Variants in RBBP8NL observed in about 807,000 individuals in gnomAD.
RBBP8NL encodes the protein RBBP8 N-terminal like.
A neutral mutation model predicts 62.2 loss-of-function variants in RBBP8NL; 59 were observed. That is an observed-to-expected ratio of 0.95 (90% CI 0.77 to 1.18). The LOEUF (loss-of-function observed/expected upper bound fraction) is 1.18, where lower values mean the gene tolerates loss of function less well. Among genes scored for constraint, RBBP8NL ranks in the 50% most tolerant of loss-of-function variants. RBBP8NL has a pLI of 0.00. For synonymous variants in RBBP8NL, 412 were observed against 394.1 expected (o/e 1.05, Z -0.54); for missense variants, 896 against 899.5 (o/e 1.00, Z 0.05).
Position 62,416,031 on chromosome 20 carries a change from C to T in RBBP8NL, c.387-86G>A, listed in dbSNP as rs559398116. Reference sequence around the variant, plus strand: ...AAAGCCGGGCCCACTCCTGGGTGACCCCAGGTGACGCAGCTGTCCCGACAC... The same window carrying T: ...AAAGCCGGGCCCACTCCTGGGTGACTCCAGGTGACGCAGCTGTCCCGACAC... On this transcript the variant is annotated intron_variant, in intron 6 of 13. Transcript: ENST00000252998. 3.0e-3 allele frequency: 4,408 copies of T among 1,471,380 alleles called. 11 individuals carry two copies. The highest frequency in any genetic ancestry group is 0.016 in the Middle Eastern group (72 of 4,512). The allele number at this position is 1,471,380 out of a possible 1,614,324, so 91.1% of individuals were successfully genotyped here.
chr20:62,415,085 G>T, intron 9 of RBBP8NL, 36 bp downstream of exon 9: 1 of 1,442,464 alleles, frequency 6.9e-7, no homozygotes. Context: ...GAGCTCATCT[G>T]AGGCTACTCT....
chr20:62,421,402 CGT>C (rs1988695908), intron 1 of RBBP8NL, among the ~76,000 whole-genome samples: 2 of 114,684 alleles, frequency 1.7e-5, no homozygotes, highest in Non-Finnish European at 3.5e-5. Flanking sequence ...AGTCAGTGTG[CGT>C]GAGTGTGCGT....
chr20:62,413,397 G>A lies in RBBP8NL; in HGVS notation c.1675+4C>T. 5.6e-6 allele frequency: 8 copies of A among 1,435,852 alleles called. No homozygotes were observed. Among genetic ancestry groups the A allele is most frequent in the Non-Finnish European group, 7.3e-6 (8 of 1,096,300 alleles). 88.9% of individuals were successfully genotyped at this position (1,435,852 alleles called of 1,614,324 possible). On this transcript the variant is annotated splice_donor_region_variant and intron_variant, in intron 11 of 13. Coordinates refer to ENST00000252998, the MANE Select transcript of RBBP8NL (RefSeq NM_080833.3). The stretch of plus-strand genomic sequence containing the variant: ...TGGACTCTGACCCCAGGTGCTGACT[G>A]TACCTGGGTGGCCGTCCAGGTCAGG...
At chr20:62,422,530 G>A (rs890005598) in intron 1 of RBBP8NL, among the ~76,000 whole-genome samples, 9 of 41,878 alleles carry the variant, frequency 2.1e-4, no homozygotes, top group Non-Finnish European at 2.6e-4. Flanking sequence ...TTGGGACCCC[G>A]AGAGAGGCCA....
At position 62,410,512 on chromosome 20, in the gene RBBP8NL, A is replaced by G. The variant is rs1325574160; in HGVS notation, c.*366T>C. ...GAGTGATCCCGCCTCCAGTCCCCACACCCCTCAGGGAGCAGGTGCTGGGCT... is the reference window on the plus strand; with the variant it reads ...GAGTGATCCCGCCTCCAGTCCCCACGCCCCTCAGGGAGCAGGTGCTGGGCT... On this transcript the variant is annotated 3_prime_UTR_variant, in exon 14 of 14. Transcript: ENST00000252998. The G allele has an allele frequency of 2.4e-5, 6 of 248,488 alleles. No individual in the cohort carries two copies. The Admixed American group carries it at 3.1e-4, about 13-fold the overall frequency. 15.4% of individuals were successfully genotyped at this position (248,488 alleles called of 1,614,324 possible).
At chr20:62,418,748 C>G (rs538376816) in intron 2 of RBBP8NL, among the ~76,000 whole-genome samples, 6 of 149,882 alleles carry the variant, frequency 4.0e-5, no homozygotes, top group Non-Finnish European at 9.0e-5. Context: ...AAGTGACCAG[C>G]CACCTGTGAA....
At chr20:62,423,481 GC>G (rs1988748711) in intron 1 of RBBP8NL, among the ~76,000 whole-genome samples, 1 of 152,212 alleles carries the variant, frequency 6.6e-6, no homozygotes, top group South Asian at 2.1e-4. Context: ...CCAGGAGGGG[GC>G]GGAGCTGCAG....
In RBBP8NL at chr20:62,414,500, G is replaced by A. The variant is rs772774833; in HGVS notation, c.851C>T (p.Pro284Leu). 1.6e-5 allele frequency: 23 copies of A among 1,455,858 alleles called. No homozygotes were observed. The highest frequency in any genetic ancestry group is 2.8e-5 in the Admixed American group (1 of 36,258). 90.2% of individuals were successfully genotyped at this position (1,455,858 alleles called of 1,614,324 possible). ...TAGGAGGCAGAGCCGGTCCACCTTCGGGGAGAGCTTCGGGGCCTCATGGGT... is the reference window on the plus strand; with the variant it reads ...TAGGAGGCAGAGCCGGTCCACCTTCAGGGAGAGCTTCGGGGCCTCATGGGT... The part of the protein sequence containing the change: ...AMTHEAPKLS[P>L]KVDRLCLLNR... The change falls in exon 10 of 14, where the codon CCG becomes CTG. Residue 284 changes from proline (P) to leucine (L), a missense_variant. Coordinates refer to ENST00000252998, the MANE Select transcript of RBBP8NL (RefSeq NM_080833.3).
intron 1 of RBBP8NL, 84 bp from the exon 2 acceptor site, chr20:62,419,814 T>C: frequency 2.9e-6 from 2 of 679,166 alleles, no homozygotes; most frequent in Non-Finnish European, 5.0e-6. Flanking sequence ...GGGCTCCTTG[T>C]GTCTGTATGG....
rs878888099 is a variant in RBBP8NL, at chr20:62,415,205, C to T, written c.710G>A (p.Gly237Asp). 1 of 1,517,326 alleles carries T rather than the reference C, an allele frequency of 6.6e-7. No homozygotes were observed. Among genetic ancestry groups the T allele is most frequent in the East Asian group, 2.4e-5 (1 of 40,856 alleles). 94.0% of individuals were successfully genotyped at this position (1,517,326 alleles called of 1,614,324 possible). A position where few individuals can be genotyped will look rare whatever the true frequency, so the allele number is the denominator to read the frequency against. ...TGGTGGGGGCGTCCCATTGGCGGGG[C>T]CTCGGTCGGCAGGGCAAGCCTGGGA... ...PGSQACPADRGPANGTPPPLP... is the reference protein window; with the variant it reads ...PGSQACPADRDPANGTPPPLP... Residue 237 changes from glycine (G) to aspartate (D), a missense_variant, in exon 9 of 14, where the codon GGC becomes GAC. Transcript: ENST00000252998.
intron 2 of RBBP8NL, 127 bp from the exon 3 acceptor site, chr20:62,418,592 C>G: frequency 1.0e-6 from 1 of 958,092 alleles, no homozygotes; most frequent in Admixed American, 2.0e-5. Flanking sequence ...TGGGGGAGCC[C>G]TGCCAGGTGA....
Position 62,415,846 on chromosome 20 carries a change from T to G in RBBP8NL, c.486A>C (p.Pro162=), listed in dbSNP as rs1174062053. The change falls in exon 7 of 14, where the codon CCA becomes CCC. Residue 162 remains proline (P), a synonymous_variant. Coordinates refer to ENST00000252998, the MANE Select transcript of RBBP8NL (RefSeq NM_080833.3). ...CCTCAGCCTCCTCGTGGCCTCCCGGTGGCTTCTCTGTGATGGCCTTCCAGC... is the reference window on the plus strand; with the variant it reads ...CCTCAGCCTCCTCGTGGCCTCCCGGGGGCTTCTCTGTGATGGCCTTCCAGC... ...PGGWKAITEK[P]PGGHEEAEED... 1.2e-6 allele frequency: 2 copies of G among 1,612,186 alleles called. No homozygotes were observed. Among genetic ancestry groups the G allele is most frequent in the South Asian group, 2.2e-5 (2 of 91,044 alleles).
chr20:62,413,259 G>A (rs1471508887), intron 11 of RBBP8NL, 142 bp downstream of exon 11: 2 of 1,113,556 alleles, frequency 1.8e-6, no homozygotes, highest in Admixed American at 3.4e-5. Flanking sequence ...GCCAAGCCCT[G>A]GAGCCTGGGG....
intron 1 of RBBP8NL, among the ~76,000 whole-genome samples, chr20:62,422,623 A>ATGGGGCCCGGG (rs1988728825): frequency 1.5e-4 from 5 of 34,316 alleles, no homozygotes; most frequent in Admixed American, 6.7e-4. Flanking sequence ...TGGGGCCCGG[A>ATGGGGCCCGGG]GTGGGGATGG....
Sources: allele counts gnomAD v4.1 joint callset (sites outside exome capture counted in the v4.1 genomes callset), GRCh38; gene constraint gnomAD v4.1.1; transcripts MANE v1.5; gene names NCBI Gene and HGNC (gene_info 2026-07-23, HGNC 2026-07-21).